Variants in COQ2 observed in about 807,000 individuals in gnomAD.
COQ2 encodes the protein 4-hydroxybenzoate polyprenyltransferase, mitochondrial.
In COQ2, 25 loss-of-function variants were observed where a neutral mutation model predicts 35.7. That is an observed-to-expected ratio of 0.70 (90% CI 0.51 to 0.98). The LOEUF (loss-of-function observed/expected upper bound fraction) is 0.98, where lower values mean the gene tolerates loss of function less well. Among genes scored for constraint, COQ2 ranks in the 50% least tolerant of loss-of-function variants. COQ2 has a pLI of 0.00. For synonymous variants in COQ2, 206 were observed against 186.2 expected, an observed-to-expected ratio of 1.11 and a Z score of -0.86; for missense variants, 488 against 473.5, an observed-to-expected ratio of 1.03 and a Z score of -0.28.
chr4:83,264,853 G>A (rs1215243671), intron 6 of COQ2, among the ~76,000 whole-genome samples: 6 of 152,114 alleles, frequency 3.9e-5, no homozygotes, highest in East Asian at 1.9e-4. Flanking sequence ...TGGTTTTAGC[G>A]TCTGCAGCAA....
chr4:83,276,020 ATATATTTT>A lies in COQ2; in HGVS notation c.421-2411_421-2404del, dbSNP rs1735159564. ...ATATAGAATATATATTATATATAAT[ATATATTTT>A]TATATAATATATAAAATATATATTA... On this transcript the variant is annotated intron_variant, in intron 2 of 6. Transcript: ENST00000647002. Among the ~76,000 whole-genome samples, 6 of 53,200 alleles carry A rather than the reference ATATATTTT, an allele frequency of 1.1e-4. No individual in the cohort carries two copies. The South Asian group carries it at 3.9e-3, about 34-fold the overall frequency. 34.9% of individuals were successfully genotyped at this position (53,200 alleles called of 152,430 possible).
rs1243249689 is a variant in COQ2, at chr4:83,269,972, G to A, written c.650C>T (p.Ala217Val). The change falls in exon 5 of 7, where the codon GCG (alanine) becomes GTG (valine). Residue 217 changes from alanine to valine, a missense_variant. By Grantham distance (64) the Ala-to-Val change is moderately conservative. Coordinates refer to ENST00000647002, the MANE Select transcript of COQ2 (RefSeq NM_001358921.2). ...LALGLTFNWG[A>V]LLGWSAIKGS... ...CTTGATAGCAGACCATCCAAGTAAC[G>A]CTCCCCAATTAAATGTCAAGCCTAC... 8 of 1,612,574 alleles carry A rather than the reference G, an allele frequency of 5.0e-6. No individual in the cohort carries two copies. The highest frequency in any genetic ancestry group is 2.5e-6 in the Non-Finnish European group (3 of 1,179,476).
rs6852861 is a variant in COQ2 at position 83,269,748 on chromosome 4, T to C, written c.762+112A>G. On this transcript the variant is annotated intron_variant, in intron 5 of 6. Transcript: ENST00000647002. ...AATTCTTCCTCCTTAATTTGGTTCT[T>C]AAAGTTCTTAAAAAACAACAACAAA... 637,083 of 1,016,306 alleles carry C rather than the reference T, an allele frequency of 0.63. 201,722 individuals carry two copies. Among genetic ancestry groups the C allele is most frequent in the East Asian group, 0.84 (26,465 of 31,552 alleles). 63.0% of individuals were successfully genotyped at this position (1,016,306 alleles called of 1,614,324 possible). A position where few individuals can be genotyped will look rare whatever the true frequency, so the allele number is the denominator to read the frequency against.
chr4:83,275,472 A>G (rs1362625902), intron 2 of COQ2, among the ~76,000 whole-genome samples: 7 of 151,352 alleles, frequency 4.6e-5, no homozygotes, highest in Non-Finnish European at 1.0e-4. Flanking sequence ...TGACATTTCC[A>G]GATTTCTGGC....
intron 6 of COQ2, among the ~76,000 whole-genome samples, chr4:83,265,515 T>C (rs1202450211): frequency 6.6e-6 from 1 of 152,068 alleles, no homozygotes; most frequent in Admixed American, 6.5e-5. Context: ...GTGGAGGTTG[T>C]ACTGAGCCAA....
At chr4:83,284,466 G>A (rs780318732) in intron 1 of COQ2, 46 bp downstream of exon 1, 7 of 1,522,486 alleles carry the variant, frequency 4.6e-6, no homozygotes, top group South Asian at 2.4e-5. Context: ...CCGACTCGGA[G>A]GCTGCTACTT....
intron 2 of COQ2, among the ~76,000 whole-genome samples, chr4:83,275,004 G>C (rs1214208717): frequency 1.3e-5 from 2 of 152,032 alleles, no homozygotes; most frequent in Non-Finnish European, 2.9e-5. Flanking sequence ...ATTTCCATTT[G>C]GTTCTCCTTT....
intron 3 of COQ2, among the ~76,000 whole-genome samples, chr4:83,273,013 T>A (rs1212138711): frequency 6.6e-6 from 1 of 152,220 alleles, no homozygotes; most frequent in Non-Finnish European, 1.5e-5. Flanking sequence ...AAGTTTCGTT[T>A]TGTCTTGTTT....
intron 4 of COQ2, among the ~76,000 whole-genome samples, chr4:83,270,665 T>C (rs1013876891): frequency 6.6e-6 from 1 of 152,048 alleles, no homozygotes; most frequent in Admixed American, 6.5e-5. Context: ...TTTCCACTCA[T>C]GTCCCCTCCT....
In COQ2 at chr4:83,273,970, G is replaced by A. The variant is rs138744901; in HGVS notation, c.421-353C>T. Among the ~76,000 whole-genome samples, 624 of 120,234 alleles carry A rather than the reference G, an allele frequency of 5.2e-3. 1 individual carries two copies. The highest frequency in any genetic ancestry group is 0.02 in the African/African-American group (590 of 29,902). 78.9% of individuals were successfully genotyped at this position (120,234 alleles called of 152,430 possible). ...ACCAGACTAGGCAACATAAGGAGGC[G>A]CTGTCTCTACAAAAAAAAAAAAAAA... On this transcript the variant is annotated intron_variant, in intron 2 of 6. Transcript: ENST00000647002.
At position 83,269,913 on chromosome 4, in the gene COQ2, A is replaced by C; in HGVS notation, c.709T>G (p.Tyr237Asp). 1.2e-6 allele frequency: 2 copies of C among 1,612,682 alleles called. No homozygotes were observed. The highest frequency in any genetic ancestry group is 4.5e-5 in the East Asian group (2 of 44,846). The change falls in exon 5 of 7, where the codon TAT (tyrosine) becomes GAT (aspartate). Residue 237 changes from tyrosine (Y) to aspartate (D), a missense_variant. By Grantham distance (160) the Tyr-to-Asp change is radical. Coordinates refer to ENST00000647002, the MANE Select transcript of COQ2 (RefSeq NM_001358921.2). ...SCDPSVCLPL[Y>D]FSGVMWTLIY... ...AGTGTCCACATAACTCCAGAAAAATAAAGAGGCAGGCAAACAGATGGATCA... is the reference window on the plus strand; with the variant it reads ...AGTGTCCACATAACTCCAGAAAAATCAAGAGGCAGGCAAACAGATGGATCA...
intron 2 of COQ2, among the ~76,000 whole-genome samples, chr4:83,275,938 T>C (rs925600655): frequency 1.3e-4 from 19 of 149,470 alleles, no homozygotes; most frequent in Admixed American, 1.1e-3. Flanking sequence ...ACTATTAACA[T>C]GTTCAAGAAT....
chr4:83,277,973 AACACACACACACACACACACACAC>A (rs10595798), intron 2 of COQ2, among the ~76,000 whole-genome samples: 42 of 140,250 alleles, frequency 3.0e-4, no homozygotes, highest in African/African-American at 9.6e-4. Flanking sequence ...TCCATCTCAA[AACACACACACACACACACACACAC>A]ACACACACAC....
At chr4:83,281,880 A>C (rs1049678061) in intron 1 of COQ2, among the ~76,000 whole-genome samples, 14 of 152,218 alleles carry the variant, frequency 9.2e-5, no homozygotes, top group African/African-American at 3.1e-4. Context: ...CCTAAGTCCA[A>C]TGCTGTCACT....
intron 6 of COQ2, 52 bp from the exon 7 acceptor site, chr4:83,264,415 C>T: frequency 4.6e-6 from 7 of 1,516,208 alleles, no homozygotes; most frequent in Non-Finnish European, 5.3e-6. Context: ...GACTTTGGGT[C>T]ATAACAAATA....
intron 2 of COQ2, among the ~76,000 whole-genome samples, chr4:83,275,367 A>G (rs1735141444): frequency 6.6e-6 from 1 of 151,884 alleles, no homozygotes; most frequent in African/African-American, 2.4e-5. Context: ...AGCTGGGGTT[A>G]CAAGCTCACG....
intron 2 of COQ2, among the ~76,000 whole-genome samples, chr4:83,274,639 T>C (rs1021452319): frequency 6.6e-6 from 1 of 152,224 alleles, no homozygotes; most frequent in Admixed American, 6.5e-5. Flanking sequence ...AGTTTGACTA[T>C]AATGTATTAA....
In COQ2 at chr4:83,281,357, C is replaced by T. The variant is rs1186851019; in HGVS notation, c.254-2243G>A. 6 of 152,284 alleles carry T rather than the reference C, an allele frequency of 3.9e-5. No homozygotes were observed. In the South Asian group the frequency reaches 1.2e-3, roughly 32 times the overall value. 9.4% of individuals were successfully genotyped at this position (152,284 alleles called of 1,614,324 possible). A position where few individuals can be genotyped will look rare whatever the true frequency, so the allele number is the denominator to read the frequency against. Reference sequence around the variant, plus strand: ...AATTCTAGACAGAAAGACGTGTAACCACTTATAGTGTTTTCTGTCAGGAAC... The same window carrying T: ...AATTCTAGACAGAAAGACGTGTAACTACTTATAGTGTTTTCTGTCAGGAAC... On this transcript the variant is annotated intron_variant, in intron 1 of 6. Transcript: ENST00000647002.
intron 1 of COQ2, among the ~76,000 whole-genome samples, chr4:83,283,016 G>C (rs1318813524): frequency 6.6e-6 from 1 of 152,166 alleles, no homozygotes; most frequent in African/African-American, 2.4e-5. Context: ...CTTCAGATTG[G>C]AACTGGGCTT....
Sources: allele counts gnomAD v4.1 joint callset (sites outside exome capture counted in the v4.1 genomes callset), GRCh38; gene constraint gnomAD v4.1.1; transcripts MANE v1.5; gene names NCBI Gene and HGNC (gene_info 2026-07-23, HGNC 2026-07-21).